Variants in MAMLD1 observed in about 807,000 individuals in gnomAD.
MAMLD1 encodes the protein mastermind like domain containing 1, also known as mastermind-like domain-containing protein 1.
Under a neutral mutation model 45.0 loss-of-function variants are expected in MAMLD1, and 14 were observed. The observed-to-expected ratio is 0.31, with a 90% CI of 0.21 to 0.49. The LOEUF is 0.49. Among genes scored for constraint, MAMLD1 ranks in the 20% least tolerant of loss-of-function variants. The pLI is 0.99. For synonymous variants in MAMLD1, 254 were observed against 247.8 expected (o/e 1.02, Z -0.24); for missense variants, 543 against 603.6 (o/e 0.90, Z 1.05).
At chrX:150,375,925 T>C in intron 1 of MAMLD1, among the ~76,000 whole-genome samples, 1 of 112,156 alleles carries the variant, frequency 8.9e-6, no homozygotes, top group East Asian at 2.8e-4. Flanking sequence ...GGTTGCCCTT[T>C]GGAAGATTCA....
At chrX:150,428,849 G>A (rs782258558) in intron 1 of MAMLD1, among the ~76,000 whole-genome samples, 3 of 111,896 alleles carry the variant, frequency 2.7e-5, no homozygotes, top group South Asian at 7.5e-4. Context: ...CTGCACACCA[G>A]AGAATTGAGC....
In MAMLD1 at chrX:150,382,889, T is replaced by A. The variant is rs1222356779; in HGVS notation, c.-64+19359T>A. Among the ~76,000 whole-genome samples, 48 of 32,849 alleles carry A rather than the reference T, an allele frequency of 1.5e-3. 16 individuals carry two copies. The highest frequency in any genetic ancestry group is 3.8e-3 in the African/African-American group (12 of 3,129). The allele number at this position is 32,849 out of a possible 115,157, so 28.5% of individuals were successfully genotyped here. A position where few individuals can be genotyped will look rare whatever the true frequency, so the allele number is the denominator to read the frequency against. ...TATTTTGTCCCATTTTATTTTATTT[T>A]TTTTTTTTTTTATTTTTTATTTTTT... On this transcript the variant is annotated intron_variant, in intron 1 of 7. Coordinates refer to ENST00000370401, the MANE Select transcript of MAMLD1 (RefSeq NM_005491.5).
In MAMLD1 at chrX:150,422,725, A is replaced by G. The variant is rs1374692476; in HGVS notation, c.-63-22729A>G. 5.4e-5 allele frequency among the ~76,000 whole-genome samples: 6 copies of G among 112,135 alleles called. No individual in the cohort carries two copies. In the Admixed American group the frequency reaches 5.7e-4, roughly 11 times the overall value. ...AGCCACTGGGCCTAGCCTGGACTTT[A>G]TAATCTCTAGTTTTCCCTCCTGATA... is the stretch of plus-strand genomic sequence containing the variant. On this transcript the variant is annotated intron_variant, in intron 1 of 7. Coordinates refer to ENST00000370401, the MANE Select transcript of MAMLD1 (RefSeq NM_005491.5).
chrX:150,476,692 G>C (rs1200852903), intron 5 of MAMLD1, among the ~76,000 whole-genome samples: 1 of 112,891 alleles, frequency 8.9e-6, no homozygotes, highest in Non-Finnish European at 1.9e-5. Flanking sequence ...GACCAAGGAG[G>C]CACATGATGT....
intron 1 of MAMLD1, among the ~76,000 whole-genome samples, chrX:150,442,798 T>C (rs1014292855): frequency 2.1e-4 from 23 of 111,911 alleles, no homozygotes; most frequent in African/African-American, 7.4e-4. Flanking sequence ...ATTTCCTTTC[T>C]GCTTAGAGAA....
intron 1 of MAMLD1, among the ~76,000 whole-genome samples, chrX:150,408,716 T>C (rs182461226): frequency 4.7e-3 from 526 of 112,093 alleles, no homozygotes; most frequent in Non-Finnish European, 7.1e-3. Flanking sequence ...GATGTTTATG[T>C]CTGCAAATGG....
chrX:150,424,528 G>A (rs992569026), intron 1 of MAMLD1, among the ~76,000 whole-genome samples: 2 of 111,789 alleles, frequency 1.8e-5, no homozygotes, highest in Admixed American at 1.9e-4. Context: ...GCACTGCTAG[G>A]TCAGCATATA....
chrX:150,397,720 A>C (rs1228867583), intron 1 of MAMLD1, among the ~76,000 whole-genome samples: 1 of 110,890 alleles, frequency 9.0e-6, no homozygotes, highest in Non-Finnish European at 1.9e-5. Context: ...CTCACCAGAC[A>C]CTGAATTTAT....
intron 1 of MAMLD1, among the ~76,000 whole-genome samples, chrX:150,398,340 AGAGGAAGAGGAAGAG>A (rs2033593290): frequency 3.2e-5 from 2 of 62,527 alleles, no homozygotes; most frequent in Middle Eastern, 7.0e-3. Context: ...AAGAAGAAGA[AGAGGAAGAGGAAGAG>A]GAAGAGGAAG....
chrX:150,475,147 C>T (rs781854117), intron 5 of MAMLD1, among the ~76,000 whole-genome samples: 2 of 110,494 alleles, frequency 1.8e-5, no homozygotes, highest in African/African-American at 6.6e-5. Context: ...TTGCCGTGGA[C>T]GATAATGGTT....
chrX:150,453,449 A>G (rs1557405162), intron 2 of MAMLD1, among the ~76,000 whole-genome samples: 1 of 111,581 alleles, frequency 9.0e-6, no homozygotes, highest in East Asian at 2.8e-4. Context: ...AGGTAGAATT[A>G]CAGGCCCTCA....
At position 150,471,320 on chromosome X, in the gene MAMLD1, T is replaced by A. The variant is rs782103614; in HGVS notation, c.1747T>A (p.Ser583Thr). ...GCAGCCGACACCAACGCAGGCCTCCTCAGCCACTGCCTCCTCCACGGCCAC... is the reference window on the plus strand; with the variant it reads ...GCAGCCGACACCAACGCAGGCCTCCACAGCCACTGCCTCCTCCACGGCCAC... ...LQQPTPTQAS[S>T]ATASSTATAT... The change falls in exon 4 of 8, where the codon TCA becomes ACA. Residue 583 changes from serine (S) to threonine (T), a missense_variant. Coordinates refer to ENST00000370401, the MANE Select transcript of MAMLD1 (RefSeq NM_005491.5). 1.7e-6 allele frequency: 2 copies of A among 1,210,233 alleles called. No individual in the cohort carries two copies. Among genetic ancestry groups the A allele is most frequent in the East Asian group, 3.0e-5 (1 of 33,757 alleles).
chrX:150,456,722 C>G (rs1362560227), intron 2 of MAMLD1, among the ~76,000 whole-genome samples: 1 of 112,498 alleles, frequency 8.9e-6, no homozygotes, highest in Non-Finnish European at 1.9e-5. Flanking sequence ...ACGTCTCTTG[C>G]TGCTTCTGGC....
At chrX:150,396,149 A>ATTTTTTTTTT (rs151164752) in intron 1 of MAMLD1, among the ~76,000 whole-genome samples, 2 of 39,257 alleles carry the variant, frequency 5.1e-5, no homozygotes, top group African/African-American at 1.1e-4. Context: ...TACCTGGCTA[A>ATTTTTTTTTT]TTTTTTTTTT....
At chrX:150,426,478 G>A (rs1239613337) in intron 1 of MAMLD1, among the ~76,000 whole-genome samples, 2 of 112,239 alleles carry the variant, frequency 1.8e-5, no homozygotes, top group African/African-American at 3.2e-5. Flanking sequence ...GCTGCCTTCC[G>A]ATTGCTTCTT....
rs781979808 is a variant in MAMLD1 at position 150,393,442 on chromosome X, A to C, written c.-64+29912A>C. Among the ~76,000 whole-genome samples, 242 of 111,835 alleles carry C rather than the reference A, an allele frequency of 2.2e-3. 1 individual carries two copies. The highest frequency in any genetic ancestry group is 3.6e-3 in the Non-Finnish European group (189 of 53,108). On this transcript the variant is annotated intron_variant, in intron 1 of 7. Transcript: ENST00000370401. ...GCTTTTGTGCTGACATAGGTTTTCA[A>C]CTCCTTTGGATAAATGTCAAGGAGC...
intron 7 of MAMLD1, 149 bp downstream of exon 7, chrX:150,510,195 C>T: frequency 2.3e-6 from 1 of 443,876 alleles, no homozygotes; most frequent in African/African-American, 2.4e-5. Flanking sequence ...ATAATTCATC[C>T]AACTCTAAGA....
intron 1 of MAMLD1, among the ~76,000 whole-genome samples, chrX:150,364,458 G>T (rs1434174377): frequency 8.9e-6 from 1 of 112,991 alleles, no homozygotes; most frequent in African/African-American, 3.2e-5. Flanking sequence ...CGCGCCTCGG[G>T]CTGGAGCATT....
intron 5 of MAMLD1, among the ~76,000 whole-genome samples, chrX:150,490,946 T>C (rs1211144): frequency 0.14 from 15,170 of 111,316 alleles, 1,006 homozygotes; most frequent in African/African-American, 0.24. Flanking sequence ...CATGATCATC[T>C]CAATAGATGT....
Sources: allele counts gnomAD v4.1 joint callset (sites outside exome capture counted in the v4.1 genomes callset), GRCh38; gene constraint gnomAD v4.1.1; transcripts MANE v1.5; gene names NCBI Gene and HGNC (gene_info 2026-07-23, HGNC 2026-07-21).